Variants in DSCAM observed in about 807,000 individuals in gnomAD.
DSCAM encodes the protein cell adhesion molecule DSCAM.
A neutral mutation model predicts 217.7 loss-of-function variants in DSCAM; 47 were observed. The ratio of observed to expected loss-of-function variants is 0.22; its 90% CI spans 0.17 to 0.28. The LOEUF (loss-of-function observed/expected upper bound fraction) is 0.28, where lower values mean the gene tolerates loss of function less well. Ranked by LOEUF, DSCAM falls within the 10% of genes least tolerant of loss-of-function variation. The pLI, the probability that DSCAM is intolerant of heterozygous loss-of-function variation, is 1.00. For missense variants in DSCAM, 2,080 were observed against 2,618.3 expected, an observed-to-expected ratio of 0.79 and a Z score of 4.49; for synonymous variants, 1,056 against 1,015.3, an observed-to-expected ratio of 1.04 and a Z score of -0.76.
At chr21:40,710,605 A>C (rs1255709779) in intron 1 of DSCAM, among the ~76,000 whole-genome samples, 1 of 152,126 alleles carries the variant, frequency 6.6e-6, no homozygotes, top group Non-Finnish European at 1.5e-5. Context: ...CGCTTCTACA[A>C]GTAAATATCA....
At chr21:40,245,805 T>C (rs779335762) in intron 11 of DSCAM, among the ~76,000 whole-genome samples, 10 of 152,200 alleles carry the variant, frequency 6.6e-5, no homozygotes, top group African/African-American at 2.4e-4. Context: ...GCTTTCATAC[T>C]TATCTAGCCA....
chr21:40,221,211 G>A lies in DSCAM; in HGVS notation c.2357-31973C>T, dbSNP rs75422420. The stretch of plus-strand genomic sequence containing the variant: ...TAGAGTGAAACCATGAATAATAGAC[G>A]GATCTCTCCCAGAACTACACTACCT... On this transcript the variant is annotated intron_variant, in intron 11 of 32. Coordinates refer to ENST00000400454, the MANE Select transcript of DSCAM (RefSeq NM_001389.5). 4.3e-3 allele frequency among the ~76,000 whole-genome samples: 657 copies of A among 151,904 alleles called. 7 individuals are homozygous for A. The highest frequency in any genetic ancestry group is 0.015 in the African/African-American group (633 of 41,450).
intron 29 of DSCAM, among the ~76,000 whole-genome samples, chr21:40,053,046 A>G (rs1041781044): frequency 3.3e-5 from 5 of 152,232 alleles, no homozygotes; most frequent in African/African-American, 1.2e-4. Context: ...TTTATCAGTC[A>G]GCAGGGACCA....
intron 2 of DSCAM, among the ~76,000 whole-genome samples, chr21:40,705,966 G>C (rs1421242720): frequency 1.3e-5 from 2 of 152,108 alleles, no homozygotes; most frequent in Non-Finnish European, 2.9e-5. Context: ...AGATCACGAG[G>C]TCAGGAGATG....
chr21:40,199,238 T>C (rs2146852345), intron 11 of DSCAM, among the ~76,000 whole-genome samples: 1 of 152,308 alleles, frequency 6.6e-6, no homozygotes, highest in African/African-American at 2.4e-5. Context: ...CTGTGGTCCC[T>C]ATTCCTTACA....
chr21:40,625,250 A>T (rs993614603), intron 3 of DSCAM, among the ~76,000 whole-genome samples: 8 of 152,204 alleles, frequency 5.3e-5, no homozygotes, highest in Non-Finnish European at 1.2e-4. Context: ...ATACATGGAG[A>T]CTAACTGTCC....
chr21:40,182,344 G>A (rs1466823869), intron 14 of DSCAM, among the ~76,000 whole-genome samples: 1 of 152,070 alleles, frequency 6.6e-6, no homozygotes, highest in African/African-American at 2.4e-5. Flanking sequence ...GGAAGACCAA[G>A]AGAGGAGAGG....
chr21:40,361,930 T>C (rs1194433157), intron 4 of DSCAM, among the ~76,000 whole-genome samples: 1 of 152,168 alleles, frequency 6.6e-6, no homozygotes, highest in Non-Finnish European at 1.5e-5. Flanking sequence ...GTATTTGACT[T>C]GGCTTTTTAA....
intron 3 of DSCAM, among the ~76,000 whole-genome samples, chr21:40,549,862 A>T (rs1571727): frequency 6.6e-6 from 1 of 151,978 alleles, no homozygotes; most frequent in African/African-American, 2.4e-5. Context: ...AACTACCAGT[A>T]TCTAAGCTGA....
At chr21:40,750,503 T>G (rs2091217206) in intron 1 of DSCAM, among the ~76,000 whole-genome samples, 1 of 152,130 alleles carries the variant, frequency 6.6e-6, no homozygotes, top group Non-Finnish European at 1.5e-5. Context: ...CCCAGTCTCT[T>G]TGTACTCACT....
chr21:40,297,116 A>C (rs2073963945), intron 9 of DSCAM, among the ~76,000 whole-genome samples: 1 of 152,162 alleles, frequency 6.6e-6, no homozygotes, highest in African/African-American at 2.4e-5. Flanking sequence ...GAGTAGTTGC[A>C]GTGAAGTACC....
intron 3 of DSCAM, among the ~76,000 whole-genome samples, chr21:40,372,083 G>A (rs570953290): frequency 2.6e-5 from 4 of 152,314 alleles, no homozygotes; most frequent in Admixed American, 2.6e-4. Flanking sequence ...CAACTCAGGA[G>A]TCCTGTGGAA....
At position 40,710,042 on chromosome 21, in the gene DSCAM, T is replaced by C. The variant is rs1407829501; in HGVS notation, c.44-1271A>G. Among the ~76,000 whole-genome samples, 3 of 152,240 alleles carry C rather than the reference T, an allele frequency of 2.0e-5. No individual in the cohort carries two copies. In the East Asian group the frequency reaches 5.8e-4, roughly 29 times the overall value. On this transcript the variant is annotated intron_variant, in intron 1 of 32. Transcript: ENST00000400454. ...TTAATGGTCACCATTCTAACTGGCA[T>C]GAGATGGTATCTCATTGTGGCTTTG... is the stretch of plus-strand genomic sequence containing the variant.
At chr21:40,491,666 C>T (rs2076077187) in intron 3 of DSCAM, among the ~76,000 whole-genome samples, 1 of 152,190 alleles carries the variant, frequency 6.6e-6, no homozygotes, top group Admixed American at 6.5e-5. Context: ...TTCATTCAAC[C>T]CAGGCACACT....
chr21:40,566,593 A>G (rs900054885), intron 3 of DSCAM, among the ~76,000 whole-genome samples: 1 of 152,214 alleles, frequency 6.6e-6, no homozygotes, highest in Non-Finnish European at 1.5e-5. Flanking sequence ...ACTGAGTTTC[A>G]GATTATTTCT....
chr21:40,604,483 CT>C (rs944675764), intron 3 of DSCAM, among the ~76,000 whole-genome samples: 37 of 152,120 alleles, frequency 2.4e-4, no homozygotes, highest in African/African-American at 8.9e-4. Flanking sequence ...CCTTTCATTT[CT>C]TGTCATTATT....
chr21:40,157,585 G>A (rs2090492704), intron 16 of DSCAM, among the ~76,000 whole-genome samples: 1 of 152,226 alleles, frequency 6.6e-6, no homozygotes, highest in Non-Finnish European at 1.5e-5. Context: ...CAGTAACAAT[G>A]GAGCTCCAGT....
intron 11 of DSCAM, among the ~76,000 whole-genome samples, chr21:40,250,943 T>G (rs2073295346): frequency 6.6e-6 from 1 of 152,258 alleles, no homozygotes; most frequent in South Asian, 2.1e-4. Context: ...AGACCAGTTC[T>G]GGGCACTGAT....
At chr21:40,310,616 G>A (rs767389207) in intron 9 of DSCAM, among the ~76,000 whole-genome samples, 4 of 152,154 alleles carry the variant, frequency 2.6e-5, no homozygotes, top group Admixed American at 6.5e-5. Context: ...TTTCTGCAAG[G>A]GCAAGTTGTA....
Sources: allele counts gnomAD v4.1 joint callset (sites outside exome capture counted in the v4.1 genomes callset), GRCh38; gene constraint gnomAD v4.1.1; transcripts MANE v1.5; gene names NCBI Gene and HGNC (gene_info 2026-07-23, HGNC 2026-07-21).